PAX5: variants seen among roughly 807,000 people sequenced by gnomAD.
The protein encoded by PAX5 is paired box protein Pax-5.
In PAX5, 9 loss-of-function variants were observed where a neutral mutation model predicts 43.7. The observed-to-expected ratio is 0.21, with a 90% CI of 0.12 to 0.36. The LOEUF (loss-of-function observed/expected upper bound fraction) is 0.36. Ranked by LOEUF, PAX5 falls within the 10% of genes least tolerant of loss-of-function variation. The probability of loss-of-function intolerance (pLI) is 1.00; values close to 1 mark genes in which losing one functional copy is unlikely to be tolerated. For synonymous variants in PAX5, 228 were observed against 214.3 expected (o/e 1.06, Z -0.56); for missense variants, 383 against 532.7 (o/e 0.72, Z 2.77).
chr9:36,950,837 T>A, intron 6 of PAX5, among the ~76,000 whole-genome samples: 1 of 149,424 alleles, frequency 6.7e-6, no homozygotes. Flanking sequence ...GCCTTCCAGG[T>A]TCAAGCGACT....
chr9:36,984,148 T>C (rs148489894), intron 5 of PAX5, among the ~76,000 whole-genome samples: 2 of 152,262 alleles, frequency 1.3e-5, no homozygotes, highest in East Asian at 1.9e-4. Flanking sequence ...TGTCTATACC[T>C]AGGTCAAGAG....
intron 5 of PAX5, among the ~76,000 whole-genome samples, chr9:36,967,671 G>T (rs908707080): frequency 3.9e-5 from 6 of 152,218 alleles, no homozygotes; most frequent in African/African-American, 1.4e-4. Context: ...TCTCTCCAAA[G>T]GATATATGAG....
At chr9:36,871,421 T>C (rs1825482796) in intron 8 of PAX5, among the ~76,000 whole-genome samples, 1 of 152,194 alleles carries the variant, frequency 6.6e-6, no homozygotes, top group Non-Finnish European at 1.5e-5. Context: ...TCTGCACTAA[T>C]GGGGGACCCC....
intron 2 of PAX5, among the ~76,000 whole-genome samples, chr9:37,016,871 C>T (rs1370515522): frequency 6.6e-6 from 1 of 152,110 alleles, no homozygotes; most frequent in African/African-American, 2.4e-5. Flanking sequence ...TAGTGAATAT[C>T]CTGAAAGAGA....
Position 37,001,810 on chromosome 9 carries a change from C to CTTTTTTTTTTT in PAX5, c.604+827_604+837dup, listed in dbSNP as rs3073720. The stretch of plus-strand genomic sequence containing the variant: ...CTCAGGCCCTAGACCACAGCTCTGG[C>CTTTTTTTTTTT]TTTTTTTTTTTTTTTTTTTTTTTTC... On this transcript the variant is annotated intron_variant, in intron 5 of 9. Transcript: ENST00000358127. Among the ~76,000 whole-genome samples the CTTTTTTTTTTT allele has an allele frequency of 6.3e-4, 55 of 87,988 alleles. 2 individuals carry two copies. Among genetic ancestry groups the CTTTTTTTTTTT allele is most frequent in the East Asian group, 8.0e-4 (2 of 2,514 alleles). 57.7% of individuals were successfully genotyped at this position (87,988 alleles called of 152,430 possible).
intron 5 of PAX5, among the ~76,000 whole-genome samples, chr9:36,978,942 C>G (rs1197525200): frequency 6.6e-6 from 1 of 152,168 alleles, no homozygotes; most frequent in Non-Finnish European, 1.5e-5. Flanking sequence ...TCTTCAACCT[C>G]TATTGATTGA....
intron 1 of PAX5, among the ~76,000 whole-genome samples, chr9:37,032,149 C>G (rs3739441): frequency 6.6e-6 from 1 of 152,152 alleles, no homozygotes; most frequent in Non-Finnish European, 1.5e-5. Flanking sequence ...CTAGGGCTCC[C>G]GTATCTCACC....
intron 8 of PAX5, among the ~76,000 whole-genome samples, chr9:36,849,943 T>G (rs1822988556): frequency 6.6e-6 from 1 of 152,184 alleles, no homozygotes; most frequent in Admixed American, 6.5e-5. Context: ...TGTCTGAGTG[T>G]AGGGAGCCCT....
At chr9:36,912,743 C>A (rs1212880090) in intron 7 of PAX5, among the ~76,000 whole-genome samples, 2 of 152,170 alleles carry the variant, frequency 1.3e-5, no homozygotes, top group Non-Finnish European at 2.9e-5. Flanking sequence ...GGCTGGGACT[C>A]GCCAAAGCTG....
rs1392103636 is a variant in PAX5, at chr9:36,834,187, G to A, written c.*6373C>T. The A allele has an allele frequency of 4.3e-6, 1 of 233,320 alleles. No individual in the cohort carries two copies. The highest frequency in any genetic ancestry group is 8.5e-6 in the Non-Finnish European group (1 of 118,064). The allele number at this position is 233,320 out of a possible 1,614,324, so 14.5% of individuals were successfully genotyped here. A position where few individuals can be genotyped will look rare whatever the true frequency, so the allele number is the denominator to read the frequency against. On this transcript the variant is annotated 3_prime_UTR_variant, in exon 10 of 10. Coordinates refer to ENST00000358127, the MANE Select transcript of PAX5 (RefSeq NM_016734.3). Reference sequence around the variant, plus strand: ...CCTTGGAGGCCCAGCAGCTGGGGCTGAGAAGTGGGGCCCAGGCAACGCCAG... The same window carrying A: ...CCTTGGAGGCCCAGCAGCTGGGGCTAAGAAGTGGGGCCCAGGCAACGCCAG...
At chr9:37,000,378 C>T (rs755503157) in intron 5 of PAX5, among the ~76,000 whole-genome samples, 1 of 152,172 alleles carries the variant, frequency 6.6e-6, no homozygotes, top group African/African-American at 2.4e-5. Flanking sequence ...TCCCTTCTAC[C>T]ACAGACCACT....
Position 36,833,656 on chromosome 9 carries a change from T to G in PAX5, c.*6904A>C, listed in dbSNP as rs1356016920. On this transcript the variant is annotated 3_prime_UTR_variant, in exon 10 of 10. Coordinates refer to ENST00000358127, the MANE Select transcript of PAX5 (RefSeq NM_016734.3). Reference sequence around the variant, plus strand: ...CAAATTGGCACTGCTGTAATTACATTCAAATATTATTACACACAAAAGCAA... The same window carrying G: ...CAAATTGGCACTGCTGTAATTACATGCAAATATTATTACACACAAAAGCAA... 1 of 233,004 alleles carries G rather than the reference T, an allele frequency of 4.3e-6. No homozygotes were observed. Among genetic ancestry groups the G allele is most frequent in the African/African-American group, 2.2e-5 (1 of 45,274 alleles). 14.4% of individuals were successfully genotyped at this position (233,004 alleles called of 1,614,324 possible).
chr9:37,004,041 G>A (rs1838169598), intron 4 of PAX5, among the ~76,000 whole-genome samples: 1 of 152,248 alleles, frequency 6.6e-6, no homozygotes, highest in Admixed American at 6.5e-5. Flanking sequence ...AGGAAACTGA[G>A]GCTCCACAGG....
intron 6 of PAX5, among the ~76,000 whole-genome samples, chr9:36,964,046 C>T (rs572822939): frequency 3.9e-5 from 6 of 152,112 alleles, no homozygotes; most frequent in South Asian, 2.1e-4. Context: ...TTTGGGAGGC[C>T]GAGGCAGGCG....
intron 6 of PAX5, among the ~76,000 whole-genome samples, chr9:36,944,124 C>CAGTGAACTA (rs1298591594): frequency 6.6e-6 from 1 of 152,186 alleles, no homozygotes; most frequent in African/African-American, 2.4e-5. Flanking sequence ...TTCAAGGTTA[C>CAGTGAACTA]AGTGAACTAT....
At chr9:36,865,230 G>C (rs1307378762) in intron 8 of PAX5, among the ~76,000 whole-genome samples, 1 of 152,186 alleles carries the variant, frequency 6.6e-6, no homozygotes, top group Non-Finnish European at 1.5e-5. Context: ...GGGAGGCCCA[G>C]GGTGAGCCCG....
chr9:36,882,186 G>A lies in PAX5; in HGVS notation c.911-81C>T. 1 of 1,186,512 alleles carries A rather than the reference G, an allele frequency of 8.4e-7. No homozygotes were observed. The highest frequency in any genetic ancestry group is 1.5e-5 in the South Asian group (1 of 65,516). 73.5% of individuals were successfully genotyped at this position (1,186,512 alleles called of 1,614,324 possible). A position where few individuals can be genotyped will look rare whatever the true frequency, so the allele number is the denominator to read the frequency against. ...TGTCCACAGCTCCCTGGACGCTTCT[G>A]CACATTTGTCACGTTTGGACGCTGA... On this transcript the variant is annotated intron_variant, in intron 7 of 9. Transcript: ENST00000358127. The surrounding 1 kb of genome is among the most constrained non-coding windows in gnomAD (Gnocchi z 4.4).
intron 3 of PAX5, among the ~76,000 whole-genome samples, chr9:37,011,287 T>C (rs1294452495): frequency 6.6e-6 from 1 of 152,216 alleles, no homozygotes. Context: ...TTTGTTTTTA[T>C]TTGACTTAGT....
intron 8 of PAX5, among the ~76,000 whole-genome samples, chr9:36,870,569 A>T (rs1825399189): frequency 6.6e-6 from 1 of 152,262 alleles, no homozygotes; most frequent in African/African-American, 2.4e-5. Context: ...TACAATTTGT[A>T]AACATTTACT....
Sources: allele counts gnomAD v4.1 joint callset (sites outside exome capture counted in the v4.1 genomes callset), GRCh38; gene constraint gnomAD v4.1.1; non-coding constraint Gnocchi (gnomAD v3.1); transcripts MANE v1.5; gene names NCBI Gene and HGNC (gene_info 2026-07-23, HGNC 2026-07-21).